Variants in MEGF10 observed in about 807,000 individuals in gnomAD.
The protein encoded by MEGF10 is multiple epidermal growth factor-like domains protein 10.
MEGF10 carries 86 observed loss-of-function variants against 147.5 expected under a neutral mutation model. The observed-to-expected ratio is 0.58, with a 90% CI of 0.49 to 0.70. The LOEUF is 0.70. Ranked by LOEUF, MEGF10 falls within the 30% of genes least tolerant of loss-of-function variation. MEGF10 has a pLI of 0.00. For synonymous variants in MEGF10, 478 were observed against 525.5 expected (o/e 0.91, Z 1.24); for missense variants, 1,329 against 1,487.3 (o/e 0.89, Z 1.75).
In MEGF10 at chr5:127,440,835, G is replaced by A. The variant is rs565304206; in HGVS notation, c.2330G>A (p.Arg777His). The A allele has an allele frequency of 5.7e-5, 92 of 1,614,104 alleles. No homozygotes were observed. In the Middle Eastern group the frequency reaches 1.8e-3, roughly 32 times the overall value. The change falls in exon 18 of 25, where the codon CGC (arginine) becomes CAC (histidine). Residue 777 changes from arginine to histidine, a missense_variant. Transcript: ENST00000503335. Reference protein sequence around the residue: ...CDHISGQCTCRTGFMGRHCEQ... With the variant: ...CDHISGQCTCHTGFMGRHCEQ... Reference sequence around the variant, plus strand: ...CACATTTCTGGGCAGTGTACTTGCCGCACTGGATTCATGGGACGGCACTGT... The same window carrying A: ...CACATTTCTGGGCAGTGTACTTGCCACACTGGATTCATGGGACGGCACTGT...
At chr5:127,410,287 AG>A in intron 8 of MEGF10, 101 bp from the exon 9 acceptor site, 3 of 1,077,730 alleles carry the variant, frequency 2.8e-6, no homozygotes, top group Non-Finnish European at 4.1e-6. Flanking sequence ...AAGAGCAAAA[AG>A]CAGCTTCGAT....
chr5:127,443,022 A>T lies in MEGF10; in HGVS notation c.2387A>T (p.Tyr796Phe), dbSNP rs765722755. Residue 796 changes from tyrosine (Y) to phenylalanine (F), a missense_variant, in exon 19 of 25, where the codon TAT becomes TTT. Transcript: ENST00000503335. ...GAGTGCCCTTCAGGAACATATGGCT[A>T]TGGCTGTCGCCAGATATGTGATTGT... ...EQKCPSGTYG[Y>F]GCRQICDCLN... 6.2e-7 allele frequency: 1 copy of T among 1,613,472 alleles called. No homozygotes were observed. The highest frequency in any genetic ancestry group is 1.1e-5 in the South Asian group (1 of 90,992).
chr5:127,373,953 G>A (rs1762934926), intron 5 of MEGF10, among the ~76,000 whole-genome samples: 1 of 152,146 alleles, frequency 6.6e-6, no homozygotes, highest in Non-Finnish European at 1.5e-5. Context: ...TGCCCTCTAG[G>A]ACTTTTATAG....
intron 9 of MEGF10, among the ~76,000 whole-genome samples, chr5:127,415,981 G>A (rs1021431709): frequency 6.6e-6 from 1 of 151,890 alleles, no homozygotes; most frequent in African/African-American, 2.4e-5. Context: ...ACAATTAGGG[G>A]TAGATACTGA....
At chr5:127,250,236 C>T in the MEGF10 span, among the ~76,000 whole-genome samples, 1 of 151,874 alleles carries the variant, frequency 6.6e-6, no homozygotes, top group Admixed American at 6.6e-5. Context: ...ATCAGTTTGT[C>T]AAGAAGAGAC....
At chr5:127,437,548 A>G (rs1054459126) in intron 16 of MEGF10, among the ~76,000 whole-genome samples, 3 of 152,160 alleles carry the variant, frequency 2.0e-5, no homozygotes, top group Admixed American at 6.5e-5. Flanking sequence ...CTTTTATGCA[A>G]TTATGTTCCT....
intron 8 of MEGF10, among the ~76,000 whole-genome samples, chr5:127,402,967 T>C (rs1764187482): frequency 6.6e-6 from 1 of 151,964 alleles, no homozygotes; most frequent in African/African-American, 2.4e-5. Flanking sequence ...TTCTAGAGAG[T>C]TGAGTGTTTA....
At chr5:127,338,106 C>T (rs1420208026) in intron 2 of MEGF10, among the ~76,000 whole-genome samples, 1 of 152,098 alleles carries the variant, frequency 6.6e-6, no homozygotes, top group Non-Finnish European at 1.5e-5. Context: ...AAGGTTCTGT[C>T]TAACCTGAAT....
intron 16 of MEGF10, 91 bp downstream of exon 16, chr5:127,435,580 C>T (rs1032484370): frequency 9.6e-6 from 12 of 1,249,928 alleles, no homozygotes; most frequent in African/African-American, 1.6e-5. Context: ...TTTATATAAT[C>T]AAGAAAGAAT....
chr5:127,236,195 T>C, the MEGF10 span, among the ~76,000 whole-genome samples: 1 of 152,126 alleles, frequency 6.6e-6, no homozygotes, highest in Admixed American at 6.6e-5. Flanking sequence ...ATGGTCTCCA[T>C]CTCTTGACCT....
the MEGF10 span, among the ~76,000 whole-genome samples, chr5:127,247,486 A>G: frequency 6.6e-6 from 1 of 150,880 alleles, no homozygotes; most frequent in Non-Finnish European, 1.5e-5. Flanking sequence ...GAAGAAGAAG[A>G]AAAATTTAAA....
chr5:127,241,470 G>A, the MEGF10 span, among the ~76,000 whole-genome samples: 2 of 152,128 alleles, frequency 1.3e-5, no homozygotes, highest in Non-Finnish European at 2.9e-5. Flanking sequence ...GGGGTGAAAG[G>A]CTCCAGCTGA....
chr5:127,280,545 G>A, the MEGF10 span, among the ~76,000 whole-genome samples: 1 of 152,184 alleles, frequency 6.6e-6, no homozygotes, highest in East Asian at 1.9e-4. Context: ...GTCTCCTGTA[G>A]TATGTATTTG....
intron 9 of MEGF10, among the ~76,000 whole-genome samples, chr5:127,416,184 C>T (rs993826480): frequency 2.0e-5 from 3 of 152,046 alleles, no homozygotes; most frequent in South Asian, 2.1e-4. Flanking sequence ...CCCACCACCA[C>T]GCCCCGCTAA....
chr5:127,390,345 A>G (rs1230143716), intron 5 of MEGF10, among the ~76,000 whole-genome samples: 1 of 151,776 alleles, frequency 6.6e-6, no homozygotes, highest in African/African-American at 2.4e-5. Context: ...GTTGGAGTTC[A>G]GTAGAGCAAT....
chr5:127,443,365 A>G (rs981355014), intron 19 of MEGF10, among the ~76,000 whole-genome samples: 8 of 152,226 alleles, frequency 5.3e-5, no homozygotes, highest in African/African-American at 1.4e-4. Context: ...TAATACTAGA[A>G]TATGTCACAG....
At chr5:127,262,062 T>A in the MEGF10 span, among the ~76,000 whole-genome samples, 1 of 152,232 alleles carries the variant, frequency 6.6e-6, no homozygotes, top group Non-Finnish European at 1.5e-5. Context: ...TCATAGTCTG[T>A]CTTTCCACTT....
chr5:127,370,917 G>T (rs548019502), intron 5 of MEGF10, among the ~76,000 whole-genome samples: 4 of 152,140 alleles, frequency 2.6e-5, no homozygotes, highest in African/African-American at 4.8e-5. Context: ...TAGCAAGTTC[G>T]CATGAGAGCA....
At chr5:127,247,317 A>AGAG in the MEGF10 span, among the ~76,000 whole-genome samples, 105 of 103,086 alleles carry the variant, frequency 1.0e-3, 7 homozygotes, top group Admixed American at 2.3e-3. Context: ...AGAGAAAGAG[A>AGAG]GAGAAGAAGA....
Sources: allele counts gnomAD v4.1 joint callset (sites outside exome capture counted in the v4.1 genomes callset), GRCh38; gene constraint gnomAD v4.1.1; transcripts MANE v1.5; gene names NCBI Gene and HGNC (gene_info 2026-07-23, HGNC 2026-07-21).